Variants in REC8 observed in about 807,000 individuals in gnomAD.
REC8 encodes meiotic recombination protein REC8 homolog.
REC8 carries 42 observed loss-of-function variants against 78.3 expected under a neutral mutation model. The ratio of observed to expected loss-of-function variants is 0.54; its 90% confidence interval spans 0.42 to 0.69. REC8 has a LOEUF of 0.69. Ranked by LOEUF, REC8 falls within the 30% of genes least tolerant of loss-of-function variation. REC8 has a pLI of 0.00. For synonymous variants in REC8, 268 were observed against 274.1 expected (o/e 0.98, Z 0.22); for missense variants, 581 against 715.8 (o/e 0.81, Z 2.15).
chr14:24,180,655 C>T (rs1056004625), downstream of REC8: 8 of 1,613,348 alleles, frequency 5.0e-6, no homozygotes, highest in Middle Eastern at 1.7e-4. Context: ...CTCCCAGCCT[C>T]CCGCAAGCCC....
Position 24,172,179 on chromosome 14 carries a change from C to T in REC8, c.-374C>T, listed in dbSNP as rs1376751114. 1 of 249,828 alleles carries T rather than the reference C, an allele frequency of 4.0e-6. No individual in the cohort carries two copies. 15.5% of individuals were successfully genotyped at this position (249,828 alleles called of 1,614,324 possible). On this transcript the variant is annotated 5_prime_UTR_variant, in exon 1 of 19. Coordinates refer to ENST00000611366, the MANE Select transcript of REC8 (RefSeq NM_001048205.2). ...GCTCCCAGCGCTCGAGGACCGAGGCCTGCTGTGGAGGACACCGTGCTCCCT... is the reference window on the plus strand; with the variant it reads ...GCTCCCAGCGCTCGAGGACCGAGGCTTGCTGTGGAGGACACCGTGCTCCCT...
At chr14:24,176,170 A>G (rs2038889560) in intron 6 of REC8, among the ~76,000 whole-genome samples, 1 of 150,166 alleles carries the variant, frequency 6.7e-6, no homozygotes, top group South Asian at 2.1e-4. Flanking sequence ...GGATTCAAGC[A>G]ATTCTCCTTC....
Position 24,177,191 on chromosome 14 carries a change from C to A in REC8, c.675C>A (p.Ile225=). The A allele has an allele frequency of 6.2e-7, 1 of 1,614,010 alleles. No homozygotes were observed. The highest frequency in any genetic ancestry group is 2.2e-5 in the East Asian group (1 of 44,878). Residue 225 remains isoleucine (I), a synonymous_variant, in exon 8 of 19, where the codon ATC becomes ATA. Transcript: ENST00000611366. Reference sequence around the variant, plus strand: ...GCCGCCGAGAACTGGACCTGCTGATCGCAGAGGAAGAAGAAGCTATCTTGT... The same window carrying A: ...GCCGCCGAGAACTGGACCTGCTGATAGCAGAGGAAGAAGAAGCTATCTTGT... ...EVSRRELDLL[I]AEEEEAILLE...
At position 24,179,422 on chromosome 14, in the gene REC8, G is replaced by A. The variant is rs1315961896; in HGVS notation, c.1278G>A (p.Glu426=). 1 of 1,613,596 alleles carries A rather than the reference G, an allele frequency of 6.2e-7. No homozygotes were observed. The highest frequency in any genetic ancestry group is 1.7e-5 in the Admixed American group (1 of 59,900). The change falls in exon 16 of 19, where the codon GAG becomes GAA. Residue 426 remains glutamate (E), a synonymous_variant. Transcript: ENST00000611366. The part of the protein sequence containing the change: ...SLEISLEAAE[E]EKSRISLIPP... ...AGATCTCCCTAGAGGCAGCTGAAGAGGAGAAGTCCCGCATCAGCCTCATCC... is the reference window on the plus strand; with the variant it reads ...AGATCTCCCTAGAGGCAGCTGAAGAAGAGAAGTCCCGCATCAGCCTCATCC...
intron 14 of REC8, 22 bp downstream of exon 14, chr14:24,178,938 T>C: frequency 6.2e-7 from 1 of 1,612,246 alleles, no homozygotes; most frequent in Non-Finnish European, 8.5e-7. Context: ...ACCTGTTTAC[T>C]GCATCGCCCC....
intron 11 of REC8, 44 bp from the exon 12 acceptor site, chr14:24,178,047 A>G: frequency 1.3e-6 from 2 of 1,583,650 alleles, no homozygotes; most frequent in South Asian, 2.3e-5. Context: ...CAGGAAAAGG[A>G]GTAATGGGCA....
At chr14:24,180,748 A>T (rs2039122160), downstream of REC8, 1 of 1,613,982 alleles carries the variant, frequency 6.2e-7, no homozygotes, top group African/African-American at 1.3e-5. Context: ...CTCGGGAGCC[A>T]CATCTATAAC....
rs1446016021 is a variant in REC8 at position 24,177,561 on chromosome 14, CA to C, written c.814+21del. ...TCATGGGTGAGTGCCCACCATGCCC[CA>C]GGGGCTTTTCTGGGAGTACCTGGAT... On this transcript the variant is annotated intron_variant, in intron 10 of 18. Coordinates refer to ENST00000611366, the MANE Select transcript of REC8 (RefSeq NM_001048205.2). The C allele has an allele frequency of 1.2e-6, 2 of 1,605,788 alleles. No individual in the cohort carries two copies. The highest frequency in any genetic ancestry group is 2.2e-5 in the East Asian group (1 of 44,756).
In REC8 at chr14:24,176,921, G is replaced by A; in HGVS notation, c.624+20G>A. ...ATTGAGGTGAGTTCCCCTGCACACA[G>A]GGCCTGAGGTCCAGCCCCCTTGCAT... On this transcript the variant is annotated intron_variant, in intron 7 of 18. Coordinates refer to ENST00000611366, the MANE Select transcript of REC8 (RefSeq NM_001048205.2). 1 of 1,599,080 alleles carries A rather than the reference G, an allele frequency of 6.3e-7. No individual in the cohort carries two copies. The highest frequency in any genetic ancestry group is 8.6e-7 in the Non-Finnish European group (1 of 1,167,400).
rs1487750909 is a variant in REC8 at position 24,179,390 on chromosome 14, C to T, written c.1253-7C>T. ...GACACCCACTAGCGCCTTTCCTCCC[C>T]CAACAGAGATCTCCCTAGAGGCAGC... On this transcript the variant is annotated splice_region_variant and splice_polypyrimidine_tract_variant and intron_variant, in intron 15 of 18. Coordinates refer to ENST00000611366, the MANE Select transcript of REC8 (RefSeq NM_001048205.2). The T allele has an allele frequency of 1.2e-6, 2 of 1,613,974 alleles. No individual in the cohort carries two copies. Among genetic ancestry groups the T allele is most frequent in the Admixed American group, 3.3e-5 (2 of 60,024 alleles).
Position 24,176,355 on chromosome 14 carries a change from CTTTTT to C in REC8, c.545-454_545-450del, listed in dbSNP as rs777888260. Among the ~76,000 whole-genome samples, 28 of 127,352 alleles carry C rather than the reference CTTTTT, an allele frequency of 2.2e-4. 3 individuals are homozygous for C. Among genetic ancestry groups the C allele is most frequent in the Admixed American group, 1.8e-3 (22 of 12,334 alleles). The allele number at this position is 127,352 out of a possible 152,430, so 83.5% of individuals were successfully genotyped here. A position where few individuals can be genotyped will look rare whatever the true frequency, so the allele number is the denominator to read the frequency against. ...TACAGGCGTGAGCCACCATACTCGG[CTTTTT>C]TTTTTTTTTTTTCTTTTTTTCCCAG... On this transcript the variant is annotated intron_variant, in intron 6 of 18. Coordinates refer to ENST00000611366, the MANE Select transcript of REC8 (RefSeq NM_001048205.2).
intron 5 of REC8, 152 bp from the exon 6 acceptor site, chr14:24,175,391 A>AG (rs2038846022): frequency 1.6e-6 from 1 of 622,454 alleles, no homozygotes; most frequent in Non-Finnish European, 2.9e-6. Flanking sequence ...AGAAGACCAG[A>AG]GGGCGGGTGA....
chr14:24,180,480 T>C (rs2039114140), downstream of REC8: 7 of 1,613,630 alleles, frequency 4.3e-6, no homozygotes, highest in Non-Finnish European at 5.9e-6. Flanking sequence ...TCCTGAGCCT[T>C]GTCAACAGGC....
At chr14:24,179,972 GACTCC>G in intron 18 of REC8, 33 bp from the exon 19 acceptor site, 1 of 1,614,068 alleles carries the variant, frequency 6.2e-7, no homozygotes, top group South Asian at 1.1e-5. Context: ...CCCGTACAGG[GACTCC>G]CCCGACCTGC....
Position 24,173,031 on chromosome 14 carries a change from G to T in REC8, c.258G>T (p.Gln86His). 3.7e-6 allele frequency: 6 copies of T among 1,609,006 alleles called. No individual in the cohort carries two copies. Among genetic ancestry groups the T allele is most frequent in the Non-Finnish European group, 5.1e-6 (6 of 1,179,980 alleles). ...TCCGCGTCTATTCTCAACAATGCCA[G>T]TACCTCGTGGGTAAGGCTGGGAACC... ...GVIRVYSQQC[Q>H]YLVEDIQHIL... Residue 86 changes from glutamine (Q) to histidine (H), a missense_variant, in exon 3 of 19, where the codon CAG becomes CAT. By Grantham distance (24) the Gln-to-His change is conservative (BLOSUM62 0). Coordinates refer to ENST00000611366, the MANE Select transcript of REC8 (RefSeq NM_001048205.2).
At chr14:24,180,758 C>T (rs770058613), downstream of REC8, 42 of 1,613,566 alleles carry the variant, frequency 2.6e-5, no homozygotes, top group South Asian at 1.2e-4. Context: ...ACATCTATAA[C>T]CTGTGAGGAA....
At chr14:24,180,588 G>A, downstream of REC8, 1 of 1,612,892 alleles carries the variant, frequency 6.2e-7, no homozygotes, top group Non-Finnish European at 8.5e-7. Context: ...TGGAGAGGGA[G>A]GGAGAAAGGT....
intron 6 of REC8, among the ~76,000 whole-genome samples, chr14:24,176,353 G>A (rs117603820): frequency 2.9e-5 from 4 of 136,174 alleles, no homozygotes; most frequent in Non-Finnish European, 4.6e-5. Flanking sequence ...CACCATACTC[G>A]GCTTTTTTTT....
At chr14:24,177,071 C>A in intron 7 of REC8, 70 bp from the exon 8 acceptor site, 1 of 1,482,254 alleles carries the variant, frequency 6.7e-7, no homozygotes, top group Non-Finnish European at 9.4e-7. Context: ...GGGATCCACT[C>A]TCCTGGATCC....
Sources: allele counts gnomAD v4.1 joint callset (sites outside exome capture counted in the v4.1 genomes callset), GRCh38; gene constraint gnomAD v4.1.1; transcripts MANE v1.5; gene names NCBI Gene and HGNC (gene_info 2026-07-23, HGNC 2026-07-21).